Variants in PTPN4 observed in about 807,000 individuals in gnomAD.
PTPN4 encodes the protein protein tyrosine phosphatase non-receptor type 4, also known as tyrosine-protein phosphatase non-receptor type 4.
Under a neutral mutation model 135.5 loss-of-function variants are expected in PTPN4, and 49 were observed. That is an observed-to-expected ratio of 0.36 (90% confidence interval 0.29 to 0.46). PTPN4 has a LOEUF of 0.46. Among genes scored for constraint, PTPN4 ranks in the 20% least tolerant of loss-of-function variants. PTPN4 has a pLI of 1.00. For synonymous variants in PTPN4, 333 were observed against 369.9 expected (o/e 0.90, Z 1.14); for missense variants, 860 against 1,101.0 (o/e 0.78, Z 3.10).
At chr2:119,958,420 A>C (rs1442063614) in intron 22 of PTPN4, among the ~76,000 whole-genome samples, 1 of 152,014 alleles carries the variant, frequency 6.6e-6, no homozygotes, top group African/African-American at 2.4e-5. Flanking sequence ...CATTTTTAAT[A>C]GTCATTTTTA....
intron 15 of PTPN4, among the ~76,000 whole-genome samples, chr2:119,943,982 C>T (rs1208500072): frequency 1.3e-5 from 2 of 151,992 alleles, no homozygotes; most frequent in Non-Finnish European, 2.9e-5. Context: ...ATGGCCAGGC[C>T]TAATGTCAGT....
chr2:119,922,583 A>C (rs1375853342), intron 12 of PTPN4, among the ~76,000 whole-genome samples: 1 of 152,126 alleles, frequency 6.6e-6, no homozygotes, highest in African/African-American at 2.4e-5. Flanking sequence ...CACTTTGCTA[A>C]ATTTTGTTTA....
intron 18 of PTPN4, among the ~76,000 whole-genome samples, chr2:119,950,483 A>G (rs1679197540): frequency 6.6e-6 from 1 of 152,216 alleles, no homozygotes; most frequent in Non-Finnish European, 1.5e-5. Flanking sequence ...TCTTTTCAGA[A>G]CTTCAGATGT....
intron 10 of PTPN4, among the ~76,000 whole-genome samples, chr2:119,907,031 A>C (rs1678499544): frequency 6.6e-6 from 1 of 152,216 alleles, no homozygotes; most frequent in African/African-American, 2.4e-5. Flanking sequence ...GCTGGAAAAG[A>C]AATCAAGAAC....
intron 1 of PTPN4, among the ~76,000 whole-genome samples, chr2:119,777,610 CT>C: frequency 6.6e-6 from 1 of 152,190 alleles, no homozygotes; most frequent in East Asian, 1.9e-4. Context: ...TGATTCGAGC[CT>C]TTAGTTATAA....
At chr2:119,844,906 GGGA>G (rs1308766268) in intron 2 of PTPN4, among the ~76,000 whole-genome samples, 5 of 151,470 alleles carry the variant, frequency 3.3e-5, no homozygotes, top group African/African-American at 1.2e-4. Flanking sequence ...GCAGGTGGCT[GGGA>G]GGTGTAGGTT....
chr2:119,971,033 G>A (rs902146501), intron 26 of PTPN4, among the ~76,000 whole-genome samples: 2 of 152,158 alleles, frequency 1.3e-5, no homozygotes, highest in Non-Finnish European at 2.9e-5. Flanking sequence ...GCATTTCCCT[G>A]ATAACTAATT....
In PTPN4 at chr2:119,843,039, G is replaced by A. The variant is rs948779306; in HGVS notation, c.139-19497G>A. On this transcript the variant is annotated intron_variant, in intron 2 of 26. Transcript: ENST00000263708. Reference sequence around the variant, plus strand: ...TAACTTGTTAAAAGTTATCACGAACGAATGTTGCATTTTTAAAAATGATTC... The same window carrying A: ...TAACTTGTTAAAAGTTATCACGAACAAATGTTGCATTTTTAAAAATGATTC... Among the ~76,000 whole-genome samples, 20 of 152,266 alleles carry A rather than the reference G, an allele frequency of 1.3e-4. 1 individual carries two copies. In the South Asian group the frequency reaches 2.5e-3, roughly 19 times the overall value.
chr2:119,783,837 G>A (rs1278970573), intron 1 of PTPN4, among the ~76,000 whole-genome samples: 2 of 152,194 alleles, frequency 1.3e-5, no homozygotes, highest in African/African-American at 2.4e-5. Flanking sequence ...TTATTTACAG[G>A]ATCTCTCAGT....
chr2:119,790,616 G>A (rs932513633), intron 1 of PTPN4, among the ~76,000 whole-genome samples: 7 of 151,910 alleles, frequency 4.6e-5, no homozygotes, highest in Non-Finnish European at 7.4e-5. Flanking sequence ...TATAATTGGA[G>A]CAGGGTTTTA....
chr2:119,885,886 A>G lies in PTPN4; in HGVS notation c.675+4A>G. On this transcript the variant is annotated splice_donor_region_variant and intron_variant, in intron 9 of 26. Transcript: ENST00000263708. Reference sequence around the variant, plus strand: ...AGTTGAATTCCACTATGCAAGGGTAAGTGAAGAAAACTTACTTTGATGTTG... The same window carrying G: ...AGTTGAATTCCACTATGCAAGGGTAGGTGAAGAAAACTTACTTTGATGTTG... 6 of 1,557,632 alleles carry G rather than the reference A, an allele frequency of 3.9e-6. No individual in the cohort carries two copies. The highest frequency in any genetic ancestry group is 5.2e-6 in the Non-Finnish European group (6 of 1,152,518).
intron 2 of PTPN4, among the ~76,000 whole-genome samples, chr2:119,847,180 AT>A (rs1677511856): frequency 6.8e-6 from 1 of 147,128 alleles, no homozygotes; most frequent in African/African-American, 2.5e-5. Flanking sequence ...ATGTATACAT[AT>A]AAAAAAATAT....
At chr2:119,855,476 A>G (rs993948646) in intron 2 of PTPN4, among the ~76,000 whole-genome samples, 1 of 152,096 alleles carries the variant, frequency 6.6e-6, no homozygotes, top group Non-Finnish European at 1.5e-5. Flanking sequence ...ACACCGGCAG[A>G]TTTTTCTCAT....
chr2:119,771,905 C>T (rs1187519348), intron 1 of PTPN4, among the ~76,000 whole-genome samples: 1 of 152,174 alleles, frequency 6.6e-6, no homozygotes, highest in African/African-American at 2.4e-5. Flanking sequence ...ATCTCCTTTA[C>T]ACTGTAGCCA....
chr2:119,890,199 G>T (rs1377673750), intron 9 of PTPN4, among the ~76,000 whole-genome samples: 1 of 151,574 alleles, frequency 6.6e-6, no homozygotes, highest in Non-Finnish European at 1.5e-5. Flanking sequence ...AATGTTTGGT[G>T]CATATATATT....
intron 3 of PTPN4, among the ~76,000 whole-genome samples, chr2:119,873,582 C>T (rs911222025): frequency 3.9e-5 from 6 of 152,222 alleles, no homozygotes; most frequent in African/African-American, 1.4e-4. Context: ...AATGTCTAAT[C>T]GCTTTGAAAG....
intron 5 of PTPN4, among the ~76,000 whole-genome samples, chr2:119,879,067 T>A (rs2104999739): frequency 7.0e-6 from 1 of 143,104 alleles, no homozygotes; most frequent in East Asian, 2.0e-4. Flanking sequence ...CACTCCAGCC[T>A]GGGCGACAGA....
intron 2 of PTPN4, among the ~76,000 whole-genome samples, chr2:119,821,093 ATTTT>A (rs34372928): frequency 8.2e-5 from 10 of 122,386 alleles, no homozygotes; most frequent in East Asian, 4.5e-4. Context: ...TCTATCCATA[ATTTT>A]TTTTTTTTTT....
chr2:119,801,236 C>T (rs1691358468), intron 1 of PTPN4, among the ~76,000 whole-genome samples: 1 of 152,104 alleles, frequency 6.6e-6, no homozygotes, highest in African/African-American at 2.4e-5. Flanking sequence ...TACAAACATG[C>T]ATCACCACGC....
Sources: allele counts gnomAD v4.1 joint callset (sites outside exome capture counted in the v4.1 genomes callset), GRCh38; gene constraint gnomAD v4.1.1; transcripts MANE v1.5; gene names NCBI Gene and HGNC (gene_info 2026-07-23, HGNC 2026-07-21).